Variants in FOXP2 observed in about 807,000 individuals in gnomAD.
The protein encoded by FOXP2 is forkhead box protein P2.
FOXP2 carries 12 observed loss-of-function variants against 115.8 expected under a neutral mutation model. That is an observed-to-expected ratio of 0.10 (90% confidence interval 0.07 to 0.17). The LOEUF (loss-of-function observed/expected upper bound fraction) is 0.17. Ranked by LOEUF, FOXP2 falls within the 10% of genes least tolerant of loss-of-function variation. The pLI, the probability that FOXP2 is intolerant of heterozygous loss-of-function variation, is 1.00. For missense variants in FOXP2, 629 were observed against 843.5 expected (o/e 0.75, Z 3.15); for synonymous variants, 328 against 297.7 (o/e 1.10, Z -1.05).
chr7:114,281,654 T>C (rs1019937755), intron 1 of FOXP2, among the ~76,000 whole-genome samples: 3 of 152,186 alleles, frequency 2.0e-5, no homozygotes, highest in Non-Finnish European at 4.4e-5. Flanking sequence ...TATCTGCCAA[T>C]AAAATATATA....
chr7:114,176,298 T>TCTCTCTCTCTCTCTCTC (rs1554426475), intron 1 of FOXP2, among the ~76,000 whole-genome samples: 7 of 76,574 alleles, frequency 9.1e-5, no homozygotes, highest in African/African-American at 3.8e-4. Context: ...CTTTCTTTCT[T>TCTCTCTCTCTCTCTCTC]TCTCTCTCTC....
chr7:114,216,544 T>C (rs1403826314), intron 1 of FOXP2, among the ~76,000 whole-genome samples: 1 of 152,146 alleles, frequency 6.6e-6, no homozygotes, highest in African/African-American at 2.4e-5. Context: ...ATATGTAATA[T>C]ATGCCTTCAC....
chr7:114,449,186 A>C (rs1794964240), intron 2 of FOXP2, among the ~76,000 whole-genome samples: 1 of 152,058 alleles, frequency 6.6e-6, no homozygotes, highest in Non-Finnish European at 1.5e-5. Context: ...ATTATTTAAA[A>C]AATATATTTT....
At chr7:114,632,246 T>A (rs1329455672) in intron 6 of FOXP2, among the ~76,000 whole-genome samples, 1 of 152,250 alleles carries the variant, frequency 6.6e-6, no homozygotes, top group Non-Finnish European at 1.5e-5. Context: ...TTCTCTCAAA[T>A]AACATTGCCT....
At chr7:114,256,617 T>G (rs1795620332) in intron 1 of FOXP2, among the ~76,000 whole-genome samples, 1 of 152,236 alleles carries the variant, frequency 6.6e-6, no homozygotes, top group African/African-American at 2.4e-5. Context: ...TTCAGATGGA[T>G]AGTTTGCAAA....
chr7:114,591,975 T>C (rs1226351161), intron 3 of FOXP2, among the ~76,000 whole-genome samples: 22 of 152,092 alleles, frequency 1.4e-4, no homozygotes, highest in Admixed American at 1.4e-3. Context: ...TTGAAGTTAT[T>C]TAAACTTAAA....
intron 2 of FOXP2, among the ~76,000 whole-genome samples, chr7:114,314,175 C>T (rs1188817993): frequency 2.0e-5 from 3 of 151,204 alleles, no homozygotes; most frequent in Admixed American, 6.6e-5. Flanking sequence ...GGAATATGGT[C>T]ACGGTAGTTT....
chr7:114,543,790 A>T (rs973835722), intron 3 of FOXP2, among the ~76,000 whole-genome samples: 2 of 152,214 alleles, frequency 1.3e-5, no homozygotes, highest in Admixed American at 6.5e-5. Context: ...ACATCTGTGA[A>T]TTTTAAAGCT....
At chr7:114,336,906 A>G (rs570226994) in intron 2 of FOXP2, among the ~76,000 whole-genome samples, 116 of 151,636 alleles carry the variant, frequency 7.6e-4, no homozygotes, top group Non-Finnish European at 1.2e-3. Flanking sequence ...CAAATTTCAC[A>G]CAAAAGGAAT....
At chr7:114,162,877 A>G (rs1792879429), upstream of FOXP2, 1 of 151,998 alleles carries the variant, frequency 6.6e-6, no homozygotes, top group Non-Finnish European at 1.5e-5. Flanking sequence ...TCAACCCCCC[A>G]GTACAGTAAG....
chr7:114,444,925 A>G (rs985602053), intron 2 of FOXP2, among the ~76,000 whole-genome samples: 1 of 152,160 alleles, frequency 6.6e-6, no homozygotes, highest in South Asian at 2.1e-4. Flanking sequence ...TTTAGTTTCT[A>G]CAGTTATCAT....
At chr7:114,418,447 A>G (rs1477219022) in intron 1 of FOXP2, among the ~76,000 whole-genome samples, 1 of 151,934 alleles carries the variant, frequency 6.6e-6, no homozygotes, top group Non-Finnish European at 1.5e-5. Flanking sequence ...TGCTTCGATC[A>G]TTAACTTTAC....
chr7:114,480,766 CGTATACAT>C (rs1796502725), intron 2 of FOXP2, among the ~76,000 whole-genome samples: 1 of 149,540 alleles, frequency 6.7e-6, no homozygotes, highest in Non-Finnish European at 1.5e-5. Flanking sequence ...TATATATATA[CGTATACAT>C]ACATACACAT....
intron 2 of FOXP2, among the ~76,000 whole-genome samples, chr7:114,485,249 C>T (rs890622793): frequency 2.6e-5 from 4 of 151,888 alleles, no homozygotes; most frequent in Admixed American, 6.6e-5. Flanking sequence ...ACCTCACCTA[C>T]GTATGGTTTA....
intron 2 of FOXP2, among the ~76,000 whole-genome samples, chr7:114,468,330 GTGTGTA>G (rs1323717463): frequency 2.6e-5 from 4 of 152,144 alleles, no homozygotes; most frequent in Non-Finnish European, 5.9e-5. Context: ...GTGTGTGCAT[GTGTGTA>G]TGTGTATGTG....
At chr7:114,091,446 G>C (rs886186441) in intron 1 of FOXP2, among the ~76,000 whole-genome samples, 1 of 151,824 alleles carries the variant, frequency 6.6e-6, no homozygotes, top group Non-Finnish European at 1.5e-5. Context: ...GCGATTTGCT[G>C]TTTCCTCAAA....
intron 1 of FOXP2, among the ~76,000 whole-genome samples, chr7:114,223,250 T>G (rs939604729): frequency 6.6e-6 from 1 of 151,986 alleles, no homozygotes; most frequent in African/African-American, 2.4e-5. Flanking sequence ...TTGCTGCACA[T>G]GCTCATAAAC....
chr7:114,492,344 GATCT>G (rs1797103325), intron 2 of FOXP2, among the ~76,000 whole-genome samples: 1 of 151,774 alleles, frequency 6.6e-6, no homozygotes, highest in Admixed American at 6.6e-5. Flanking sequence ...CAATTTTGTT[GATCT>G]TTTCAAAAAA....
chr7:114,250,710 T>G (rs1417543826), intron 1 of FOXP2, among the ~76,000 whole-genome samples: 2 of 152,244 alleles, frequency 1.3e-5, no homozygotes, highest in Non-Finnish European at 2.9e-5. Context: ...CTTTGCCAGA[T>G]GAGTAGATTG....
Sources: gnomAD v4.1 joint callset for allele counts (sites outside exome capture counted in the v4.1 genomes callset) on GRCh38, gnomAD v4.1.1 for gene constraint, MANE v1.5 for transcripts, NCBI Gene and HGNC (gene_info 2026-07-23, HGNC 2026-07-21) for gene names.